TAMM41: variants seen among roughly 807,000 people sequenced by gnomAD.
The protein encoded by TAMM41 is TAM41 mitochondrial translocator assembly and maintenance homolog, also known as phosphatidate cytidylyltransferase, mitochondrial.
TAMM41 carries 36 observed loss-of-function variants against 44.1 expected under a neutral mutation model. That is an observed-to-expected ratio of 0.82 (90% CI 0.63 to 1.08). TAMM41 has a LOEUF of 1.08. Ranked by LOEUF, TAMM41 falls within the 50% of genes least tolerant of loss-of-function variation. TAMM41 has a pLI of 0.00. For missense variants in TAMM41, 417 were observed against 404.3 expected (o/e 1.03, Z -0.27); for synonymous variants, 164 against 153.1 (o/e 1.07, Z -0.53).
intron 7 of TAMM41, among the ~76,000 whole-genome samples, chr3:11,799,999 G>C (rs1415363182): frequency 6.6e-6 from 1 of 152,126 alleles, no homozygotes; most frequent in Non-Finnish European, 1.5e-5. Flanking sequence ...GCTAGAATAA[G>C]CTTCATAAAT....
chr3:11,729,295 G>A, the TAMM41 span, among the ~76,000 whole-genome samples: 1 of 151,910 alleles, frequency 6.6e-6, no homozygotes, highest in African/African-American at 2.4e-5. Context: ...GCTGGGACGG[G>A]AAATAAAAGC....
At chr3:11,763,490 T>A in the TAMM41 span, among the ~76,000 whole-genome samples, 2 of 152,192 alleles carry the variant, frequency 1.3e-5, no homozygotes, top group Non-Finnish European at 2.9e-5. Context: ...TAAATTAAGC[T>A]CATGCAGTGG....
At chr3:11,825,493 C>T (rs2078712553) in intron 4 of TAMM41, among the ~76,000 whole-genome samples, 1 of 152,180 alleles carries the variant, frequency 6.6e-6, no homozygotes, top group African/African-American at 2.4e-5. Context: ...GCTTCCACTC[C>T]AGAGAAAACG....
intron 4 of TAMM41, among the ~76,000 whole-genome samples, chr3:11,823,086 C>T (rs1182952441): frequency 1.3e-5 from 2 of 152,098 alleles, no homozygotes; most frequent in African/African-American, 2.4e-5. Flanking sequence ...TATAGAATGG[C>T]GTCTCTGTGA....
chr3:11,789,549 C>T (rs2077438677), downstream of TAMM41, among the ~76,000 whole-genome samples: 1 of 152,190 alleles, frequency 6.6e-6, no homozygotes, highest in South Asian at 2.1e-4. Flanking sequence ...GCCTGTGAGC[C>T]TGAGGGGAGG....
At chr3:11,786,582 C>T (rs1382083985), downstream of TAMM41, among the ~76,000 whole-genome samples, 11 of 151,498 alleles carry the variant, frequency 7.3e-5, no homozygotes, top group African/African-American at 1.7e-4. Flanking sequence ...GGATTACAGG[C>T]GTGAGCCACT....
the TAMM41 span, among the ~76,000 whole-genome samples, chr3:11,759,958 G>C: frequency 7.0e-6 from 1 of 142,108 alleles, no homozygotes; most frequent in Non-Finnish European, 1.5e-5. Context: ...TGGGGGACAA[G>C]AATGAAACTC....
intron 4 of TAMM41, chr3:11,826,574 G>C (rs148054667): frequency 6.9e-6 from 1 of 145,424 alleles, no homozygotes; most frequent in East Asian, 2.1e-4. Flanking sequence ...GCTATTATAC[G>C]TATTATCTCA....
the TAMM41 span, among the ~76,000 whole-genome samples, chr3:11,737,867 C>A: frequency 6.6e-6 from 1 of 152,168 alleles, no homozygotes; most frequent in Non-Finnish European, 1.5e-5. Flanking sequence ...GGTCGCTGGG[C>A]TCCTGTGGTT....
At chr3:11,739,565 G>C in the TAMM41 span, among the ~76,000 whole-genome samples, 2 of 151,716 alleles carry the variant, frequency 1.3e-5, no homozygotes, top group Non-Finnish European at 2.9e-5. Context: ...CCAGCTACTC[G>C]GGTGGCCGAG....
chr3:11,792,499 G>A lies in TAMM41; in HGVS notation c.938-1918C>T, dbSNP rs145408537. ...GCAGGAAAATCTACTGTGTGTGTGC[G>A]TAGGTGCACTTCTGTGCAGGGCGTC... On this transcript the variant is annotated intron_variant, in intron 7 of 7. Transcript: ENST00000455809. Among the ~76,000 whole-genome samples, 20 of 152,322 alleles carry A rather than the reference G, an allele frequency of 1.3e-4. No individual in the cohort carries two copies. The Middle Eastern group carries it at 0.014, about 104-fold the overall frequency.
intron 7 of TAMM41, among the ~76,000 whole-genome samples, chr3:11,804,167 T>A (rs2077834626): frequency 6.6e-6 from 1 of 152,090 alleles, no homozygotes; most frequent in South Asian, 2.1e-4. Context: ...GAGCTGTGGG[T>A]TCTGTGATCA....
chr3:11,798,725 A>C, intron 7 of TAMM41, among the ~76,000 whole-genome samples: 1 of 152,200 alleles, frequency 6.6e-6, no homozygotes, highest in Non-Finnish European at 1.5e-5. Flanking sequence ...ATGAGGAAAG[A>C]GAAACAGGCA....
chr3:11,760,993 C>G, the TAMM41 span, among the ~76,000 whole-genome samples: 2 of 151,762 alleles, frequency 1.3e-5, no homozygotes, highest in African/African-American at 2.4e-5. Context: ...GGTGAAACCC[C>G]GTCTCTACTA....
chr3:11,822,186 A>C (rs2078551329), intron 4 of TAMM41, among the ~76,000 whole-genome samples: 1 of 152,170 alleles, frequency 6.6e-6, no homozygotes, highest in South Asian at 2.1e-4. Flanking sequence ...TCAGGCAGCA[A>C]ACAGTATGAA....
chr3:11,776,329 T>C, the TAMM41 span, among the ~76,000 whole-genome samples: 2 of 151,966 alleles, frequency 1.3e-5, no homozygotes, highest in African/African-American at 2.4e-5. Context: ...TTTAAAATTT[T>C]TTTTTTAGAG....
At chr3:11,837,682 A>G (rs1310088364) in intron 3 of TAMM41, among the ~76,000 whole-genome samples, 2 of 152,202 alleles carry the variant, frequency 1.3e-5, no homozygotes, top group Non-Finnish European at 2.9e-5. Context: ...TGGTTACTGA[A>G]GGATCCCACG....
the TAMM41 span, among the ~76,000 whole-genome samples, chr3:11,739,513 A>C: frequency 6.6e-6 from 1 of 152,068 alleles, no homozygotes; most frequent in Non-Finnish European, 1.5e-5. Context: ...TAAGGATAGA[A>C]GATGCGTTAA....
intron 7 of TAMM41, among the ~76,000 whole-genome samples, chr3:11,791,811 C>G (rs1004403279): frequency 1.3e-5 from 2 of 152,214 alleles, no homozygotes; most frequent in Non-Finnish European, 2.9e-5. Flanking sequence ...TGTCTACCAG[C>G]TGACTACTTG....
Sources: allele counts gnomAD v4.1 joint callset (sites outside exome capture counted in the v4.1 genomes callset), GRCh38; gene constraint gnomAD v4.1.1; transcripts MANE v1.5; gene names NCBI Gene and HGNC (gene_info 2026-07-23, HGNC 2026-07-21).